RGS1: variants seen among roughly 807,000 people sequenced by gnomAD.
RGS1 encodes the protein regulator of G protein signaling 1.
A neutral mutation model predicts 22.2 loss-of-function variants in RGS1; 11 were observed. The ratio of observed to expected loss-of-function variants is 0.50; its 90% confidence interval spans 0.31 to 0.82. The LOEUF (loss-of-function observed/expected upper bound fraction) is 0.82. RGS1 is among the 40% of genes least tolerant of loss of function. RGS1 has a pLI of 0.04. For missense variants in RGS1, 255 were observed against 245.8 expected (o/e 1.04, Z -0.25); for synonymous variants, 81 against 79.9 (o/e 1.01, Z -0.07).
At position 192,576,803 on chromosome 1, in the gene RGS1, C is replaced by T; in HGVS notation, c.248C>T (p.Ser83Phe). The T allele has an allele frequency of 6.2e-7, 1 of 1,612,030 alleles. No homozygotes were observed. Among genetic ancestry groups the T allele is most frequent in the Non-Finnish European group, 8.5e-7 (1 of 1,178,904 alleles). Residue 83 changes from serine to phenylalanine, a missense_variant, in exon 3 of 5, where the codon TCT (serine) becomes TTT (phenylalanine). Transcript: ENST00000367459. ...TCTGCTGCTGAAGTAATGCAATGGT[C>T]TCAATCTCTGGAAAAACTTCTTGCC... The part of the protein sequence containing the change: ...VLSAAEVMQW[S>F]QSLEKLLANQ...
rs773227371 is a variant in RGS1 at position 192,579,339 on chromosome 1, G to A, written c.*17G>A. 6 of 1,609,716 alleles carry A rather than the reference G, an allele frequency of 3.7e-6. No individual in the cohort carries two copies. In the South Asian group the frequency reaches 6.6e-5, roughly 18 times the overall value. ...CTAAAGTGACTGGTCCCTGGCTGAA[G>A]GGAATTAACAGATAGTATCAAGCGC... On this transcript the variant is annotated 3_prime_UTR_variant, in exon 5 of 5. Coordinates refer to ENST00000367459, the MANE Select transcript of RGS1 (RefSeq NM_002922.4).
intron 2 of RGS1, 48 bp downstream of exon 2, chr1:192,576,413 C>T: frequency 2.2e-6 from 3 of 1,348,392 alleles, no homozygotes; most frequent in South Asian, 1.2e-5. Context: ...ACAAGAGAAG[C>T]CTATGCATTA....
chr1:192,578,880 C>G (rs1662111869), intron 4 of RGS1: 1 of 450,904 alleles, frequency 2.2e-6, no homozygotes, highest in East Asian at 3.8e-5. Flanking sequence ...TATGTGGATA[C>G]TTAAATTTTT....
Position 192,576,832 on chromosome 1 carries a change from C to CAAAGT in RGS1, c.280_280+4dup, listed in dbSNP as rs762771278. 1 of 1,610,966 alleles carries CAAAGT rather than the reference C, an allele frequency of 6.2e-7. No homozygotes were observed. The highest frequency in any genetic ancestry group is 8.5e-7 in the Non-Finnish European group (1 of 1,178,148). On this transcript the variant is annotated frameshift_variant, in exon 3 of 5. Transcript: ENST00000367459. LOFTEE classifies it high-confidence loss of function. The stretch of plus-strand genomic sequence containing the variant: ...ATCTCTGGAAAAACTTCTTGCCAAC[C>CAAAGT]AAAGTAAGTATAACTATTGAATGTT...
rs1443389100 is a variant in RGS1 at position 192,579,284 on chromosome 1, A to G, written c.592A>G (p.Asn198Asp). ...PRFLKSDIYL[N>D]LLNDLQANSL... is the part of the protein sequence containing the mutation. ...GTTCCTCAAATCAGATATTTACTTAAATCTTCTAAATGACCTGCAGGCTAA... is the reference window on the plus strand; with the variant it reads ...GTTCCTCAAATCAGATATTTACTTAGATCTTCTAAATGACCTGCAGGCTAA... Residue 198 changes from asparagine (N) to aspartate (D), a missense_variant, in exon 5 of 5, where the codon AAT (asparagine) becomes GAT (aspartate). Transcript: ENST00000367459. 1 of 1,612,876 alleles carries G rather than the reference A, an allele frequency of 6.2e-7. No homozygotes were observed. The highest frequency in any genetic ancestry group is 8.5e-7 in the Non-Finnish European group (1 of 1,179,326).
At chr1:192,576,702 A>G in intron 2 of RGS1, 72 bp from the exon 3 acceptor site, 1 of 1,278,158 alleles carries the variant, frequency 7.8e-7, no homozygotes, top group Non-Finnish European at 1.1e-6. Flanking sequence ...TCAAAGTGTA[A>G]CAGCCATTCT....
In RGS1 at chr1:192,576,811, C is replaced by G. The variant is rs1306039782; in HGVS notation, c.256C>G (p.Leu86Val). The change falls in exon 3 of 5, where the codon CTG (leucine) becomes GTG (valine). Residue 86 changes from leucine (L) to valine (V), a missense_variant. Transcript: ENST00000367459. ...AAEVMQWSQS[L>V]EKLLANQTGQ... ...TGAAGTAATGCAATGGTCTCAATCT[C>G]TGGAAAAACTTCTTGCCAACCAAAG... 6.2e-7 allele frequency: 1 copy of G among 1,612,010 alleles called. No individual in the cohort carries two copies. Among genetic ancestry groups the G allele is most frequent in the South Asian group, 1.1e-5 (1 of 90,956 alleles).
In RGS1 at chr1:192,579,474, C is replaced by G; in HGVS notation, c.*152C>G. 2 of 654,544 alleles carry G rather than the reference C, an allele frequency of 3.1e-6. No individual in the cohort carries two copies. Among genetic ancestry groups the G allele is most frequent in the Non-Finnish European group, 5.1e-6 (2 of 390,198 alleles). The allele number at this position is 654,544 out of a possible 1,614,324, so 40.5% of individuals were successfully genotyped here. ...CAGAATGGATTAACATGAAAGTTATCCAGGCGCAGAGTTGAAGAAGCATAA... is the reference window on the plus strand; with the variant it reads ...CAGAATGGATTAACATGAAAGTTATGCAGGCGCAGAGTTGAAGAAGCATAA... On this transcript the variant is annotated 3_prime_UTR_variant, in exon 5 of 5. Coordinates refer to ENST00000367459, the MANE Select transcript of RGS1 (RefSeq NM_002922.4).
chr1:192,576,989 T>C, intron 3 of RGS1, 154 bp downstream of exon 3: 1 of 515,634 alleles, frequency 1.9e-6, no homozygotes, highest in Non-Finnish European at 3.2e-6. Flanking sequence ...GTATGCCTCT[T>C]AATAATGCTG....
chr1:192,579,421 C>A lies in RGS1; in HGVS notation c.*99C>A. 9.5e-7 allele frequency: 1 copy of A among 1,056,876 alleles called. No homozygotes were observed. The highest frequency in any genetic ancestry group is 1.4e-6 in the Non-Finnish European group (1 of 715,560). The allele number at this position is 1,056,876 out of a possible 1,614,324, so 65.5% of individuals were successfully genotyped here. A position where few individuals can be genotyped will look rare whatever the true frequency, so the allele number is the denominator to read the frequency against. ...GAACAGCTTGGCCTTTTTTGGGTGT[C>A]TTGACAGGCCAAGAAGAACAAATGA... On this transcript the variant is annotated 3_prime_UTR_variant, in exon 5 of 5. Transcript: ENST00000367459.
At position 192,575,849 on chromosome 1, in the gene RGS1, C is replaced by T. The variant is rs377512997; in HGVS notation, c.57C>T (p.Phe19=). The T allele has an allele frequency of 1.1e-5, 17 of 1,613,336 alleles. No individual in the cohort carries two copies. In the African/African-American group the frequency reaches 2.3e-4, roughly 22 times the overall value. The part of the protein sequence containing the change: ...PKLDKMPGMF[F]SANPKELKGT... ...TAGACAAAATGCCAGGAATGTTCTTCTCTGCTAACCCAAAGGAATTGAAAG... is the reference window on the plus strand; with the variant it reads ...TAGACAAAATGCCAGGAATGTTCTTTTCTGCTAACCCAAAGGAATTGAAAG... The change falls in exon 1 of 5, where the codon TTC becomes TTT. Residue 19 remains phenylalanine, a synonymous_variant. Coordinates refer to ENST00000367459, the MANE Select transcript of RGS1 (RefSeq NM_002922.4).
In RGS1 at chr1:192,576,814, GA is replaced by G; in HGVS notation, c.264del (p.Lys88AsnfsTer16). ...AGTAATGCAATGGTCTCAATCTCTG[GA>G]AAAACTTCTTGCCAACCAAAGTAAG... ...AEVMQWSQSL[E>X]KLLANQTGQN... On this transcript the variant is annotated frameshift_variant, in exon 3 of 5. Transcript: ENST00000367459. LOFTEE classifies it high-confidence loss of function. 1 of 1,611,724 alleles carries G rather than the reference GA, an allele frequency of 6.2e-7. No individual in the cohort carries two copies. The highest frequency in any genetic ancestry group is 8.5e-7 in the Non-Finnish European group (1 of 1,178,804).
Position 192,579,228 on chromosome 1 carries a change from A to G in RGS1, c.536A>G (p.Tyr179Cys). ...TCFDEAQKVI[Y>C]TLMEKDSYPR... ...TTTGATGAAGCACAAAAAGTCATAT[A>G]TACTCTTATGGAAAAGGACTCTTAT... Residue 179 changes from tyrosine (Y) to cysteine (C), a missense_variant, in exon 5 of 5, where the codon TAT becomes TGT. Coordinates refer to ENST00000367459, the MANE Select transcript of RGS1 (RefSeq NM_002922.4). 1 of 1,613,290 alleles carries G rather than the reference A, an allele frequency of 6.2e-7. No homozygotes were observed. Among genetic ancestry groups the G allele is most frequent in the Non-Finnish European group, 8.5e-7 (1 of 1,179,478 alleles).
chr1:192,576,167 A>G, intron 1 of RGS1, 118 bp from the exon 2 acceptor site: 3 of 960,900 alleles, frequency 3.1e-6, no homozygotes, highest in Non-Finnish European at 4.7e-6. Context: ...CTATAGCAAA[A>G]TGTTGTATCA....
chr1:192,578,108 C>A, intron 3 of RGS1, 114 bp from the exon 4 acceptor site: 1 of 1,264,114 alleles, frequency 7.9e-7, no homozygotes, highest in South Asian at 1.5e-5. Context: ...TGTCTCTTAC[C>A]TTTGTATGAA....
At chr1:192,577,365 A>G (rs1558032702) in intron 3 of RGS1, 1 of 152,166 alleles carries the variant, frequency 6.6e-6, no homozygotes, top group Non-Finnish European at 1.5e-5. Flanking sequence ...AAATAATTGC[A>G]TTATTATAAC....
At chr1:192,576,715 T>C in intron 2 of RGS1, 59 bp from the exon 3 acceptor site, 2 of 1,424,238 alleles carry the variant, frequency 1.4e-6, no homozygotes, top group Admixed American at 3.6e-5. Flanking sequence ...GCCATTCTTA[T>C]TTCATTTGTG....
In RGS1 at chr1:192,579,479, C is replaced by T. The variant is rs563126750; in HGVS notation, c.*157C>T. The T allele has an allele frequency of 8.2e-5, 52 of 631,254 alleles. No homozygotes were observed. The highest frequency in any genetic ancestry group is 4.9e-4 in the East Asian group (17 of 34,458). The allele number at this position is 631,254 out of a possible 1,614,324, so 39.1% of individuals were successfully genotyped here. A position where few individuals can be genotyped will look rare whatever the true frequency, so the allele number is the denominator to read the frequency against. On this transcript the variant is annotated 3_prime_UTR_variant, in exon 5 of 5. Coordinates refer to ENST00000367459, the MANE Select transcript of RGS1 (RefSeq NM_002922.4). ...TGGATTAACATGAAAGTTATCCAGGCGCAGAGTTGAAGAAGCATAAGCAAG... is the reference window on the plus strand; with the variant it reads ...TGGATTAACATGAAAGTTATCCAGGTGCAGAGTTGAAGAAGCATAAGCAAG...
At chr1:192,576,066 A>T in intron 1 of RGS1, 137 bp downstream of exon 1, 1 of 1,051,284 alleles carries the variant, frequency 9.5e-7, no homozygotes. Context: ...TGTGAGTAAT[A>T]AGTAATATTC....
Sources: allele counts gnomAD v4.1 joint callset, GRCh38; gene constraint gnomAD v4.1.1; transcripts MANE v1.5; gene names NCBI Gene and HGNC (gene_info 2026-07-23, HGNC 2026-07-21).